Variants in PIK3R6 observed in about 807,000 individuals in gnomAD.
The protein encoded by PIK3R6 is phosphoinositide-3-kinase regulatory subunit 6.
In PIK3R6, 91 loss-of-function variants were observed where a neutral mutation model predicts 84.9. The observed-to-expected ratio is 1.07, with a 90% CI of 0.90 to 1.28. The LOEUF is 1.28. Among genes scored for constraint, PIK3R6 ranks in the 50% most tolerant of loss-of-function variants. PIK3R6 has a pLI of 0.00. For synonymous variants in PIK3R6, 416 were observed against 411.4 expected (o/e 1.01, Z -0.13); for missense variants, 996 against 985.1 (o/e 1.01, Z -0.15).
At position 8,835,395 on chromosome 17, in the gene PIK3R6, C is replaced by G. The variant is rs2088420941; in HGVS notation, c.523G>C (p.Glu175Gln). 1 of 1,611,896 alleles carries G rather than the reference C, an allele frequency of 6.2e-7. No homozygotes were observed. The change falls in exon 8 of 20, where the codon GAG becomes CAG. Residue 175 changes from glutamate to glutamine, a missense_variant. Coordinates refer to ENST00000619866, the MANE Select transcript of PIK3R6 (RefSeq NM_001010855.4). ...SASVCSALLLEIEAAQAQQTP... is the reference protein window; with the variant it reads ...SASVCSALLLQIEAAQAQQTP... ...TGCTGCGCCTGGGCCGCCTCGATCT[C>G]CAGTAGCAGAGCACTGCACACAGAC...
Position 8,823,407 on chromosome 17 carries a change from A to T in PIK3R6, c.1606T>A (p.Phe536Ile). Residue 536 changes from phenylalanine to isoleucine, a missense_variant, in exon 14 of 20, where the codon TTC becomes ATC. Physicochemically the swap from Phe to Ile is conservative, Grantham distance 21. Coordinates refer to ENST00000619866, the MANE Select transcript of PIK3R6 (RefSeq NM_001010855.4). ...CTTACCTTGACTGTGTAGATCTGGA[A>T]ATAGATGGGTTGGGTGCCCATGCGG... ...YIRMGTQPIY[F>I]QIYTVKIFFS... is the part of the protein sequence containing the mutation. 6.5e-7 allele frequency: 1 copy of T among 1,531,906 alleles called. No individual in the cohort carries two copies. Among genetic ancestry groups the T allele is most frequent in the Non-Finnish European group, 8.8e-7 (1 of 1,137,150 alleles). 94.9% of individuals were successfully genotyped at this position (1,531,906 alleles called of 1,614,324 possible). A position where few individuals can be genotyped will look rare whatever the true frequency, so the allele number is the denominator to read the frequency against.
At position 8,828,925 on chromosome 17, in the gene PIK3R6, A is replaced by C; in HGVS notation, c.955T>G (p.Leu319Val). Reference protein sequence around the residue: ...QLRLSADLEVLDLQGLRPDRE... With the variant: ...QLRLSADLEVVDLQGLRPDRE... ...TCCGGCCGGAGGCCCTGCAGATCCAAGACCTCCAAGTCAGCACTGAGGCGC... is the reference window on the plus strand; with the variant it reads ...TCCGGCCGGAGGCCCTGCAGATCCACGACCTCCAAGTCAGCACTGAGGCGC... Residue 319 changes from leucine (L) to valine (V), a missense_variant, in exon 11 of 20, where the codon TTG becomes GTG. Physicochemically the swap from Leu to Val is conservative, Grantham distance 32. Transcript: ENST00000619866. 9.8e-6 allele frequency: 15 copies of C among 1,531,716 alleles called. No individual in the cohort carries two copies. Among genetic ancestry groups the C allele is most frequent in the Non-Finnish European group, 1.3e-5 (15 of 1,140,468 alleles). The allele number at this position is 1,531,716 out of a possible 1,614,324, so 94.9% of individuals were successfully genotyped here.
At chr17:8,827,384 C>A in intron 12 of PIK3R6, 90 bp from the exon 13 acceptor site, 1 of 1,427,490 alleles carries the variant, frequency 7.0e-7, no homozygotes, top group Non-Finnish European at 9.3e-7. Flanking sequence ...TGAATATGGT[C>A]AAGTCATTTA....
chr17:8,833,262 T>C (rs1021507986), intron 8 of PIK3R6, among the ~76,000 whole-genome samples: 6 of 152,330 alleles, frequency 3.9e-5, no homozygotes, highest in Admixed American at 2.0e-4. Context: ...CACACGCTAT[T>C]ATGGGGAGAC....
chr17:8,818,889 A>T (rs2151199863), intron 18 of PIK3R6, among the ~76,000 whole-genome samples, 194 bp downstream of exon 18: 2 of 152,308 alleles, frequency 1.3e-5, no homozygotes, highest in Admixed American at 1.3e-4. Context: ...TCCTTATACC[A>T]GTGGGCACTC....
In PIK3R6 at chr17:8,828,845, G is replaced by T. The variant is rs1379520222; in HGVS notation, c.1035C>A (p.Asp345Glu). Residue 345 changes from aspartate (D) to glutamate (E), a missense_variant, in exon 11 of 20, where the codon GAC becomes GAA. Asp to Glu is a conservative substitution (Grantham distance 45). Coordinates refer to ENST00000619866, the MANE Select transcript of PIK3R6 (RefSeq NM_001010855.4). ...GCAGCTCATCAGCCCCCGTGGGAAG[G>T]TCCCGCTCAATGCCGCTGTCAGTGG... ...VLSTDSGIER[D>E]LPTGADELPA... The T allele has an allele frequency of 1.9e-6, 3 of 1,597,102 alleles. No individual in the cohort carries two copies. Among genetic ancestry groups the T allele is most frequent in the Non-Finnish European group, 2.6e-6 (3 of 1,171,212 alleles).
intron 15 of PIK3R6, 75 bp from the exon 16 acceptor site, chr17:8,822,732 G>T (rs2151212279): frequency 1.4e-6 from 2 of 1,460,576 alleles, no homozygotes; most frequent in South Asian, 1.2e-5. Context: ...CTCTCTGAGG[G>T]CAGGAGCTGA....
At chr17:8,832,784 A>G in intron 9 of PIK3R6, 105 bp downstream of exon 9, 1 of 1,547,046 alleles carries the variant, frequency 6.5e-7, no homozygotes, top group African/African-American at 1.4e-5. Context: ...TCGGCCAGGC[A>G]CCCAGACAGA....
chr17:8,829,489 T>TAC (rs3859233), intron 10 of PIK3R6, among the ~76,000 whole-genome samples: 19 of 102,926 alleles, frequency 1.8e-4, no homozygotes, highest in Middle Eastern at 6.6e-3. Context: ...CATGCACGCA[T>TAC]ACACACACAC....
At chr17:8,863,819 C>G (rs912385703) in intron 1 of PIK3R6, among the ~76,000 whole-genome samples, 1 of 152,224 alleles carries the variant, frequency 6.6e-6, no homozygotes, top group Non-Finnish European at 1.5e-5. Flanking sequence ...CAGGCGTGAG[C>G]CACCGCGCCC....
chr17:8,825,095 G>A (rs2087874332), intron 13 of PIK3R6, among the ~76,000 whole-genome samples: 1 of 152,142 alleles, frequency 6.6e-6, no homozygotes, highest in Non-Finnish European at 1.5e-5. Context: ...ATTCGCAATA[G>A]TAAGAAACAC....
rs766862379 is a variant in PIK3R6, at chr17:8,828,683, C to G, written c.1197G>C (p.Arg399=). 1.4e-5 allele frequency: 22 copies of G among 1,611,746 alleles called. No individual in the cohort carries two copies. Among genetic ancestry groups the G allele is most frequent in the Non-Finnish European group, 1.7e-5 (20 of 1,179,118 alleles). The change falls in exon 11 of 20, where the codon CGG becomes CGC. Residue 399 remains arginine, a synonymous_variant. Transcript: ENST00000619866. ...GCAGCATTTCCCCATCCCCACTGGG[C>G]CGGCCTGTCCTCCGGTGCAGCCCTG... is the stretch of plus-strand genomic sequence containing the variant. The part of the protein sequence containing the change: ...GPPGLHRRTG[R]PSGDGEMLPG...
intron 18 of PIK3R6, among the ~76,000 whole-genome samples, chr17:8,807,686 C>T (rs1283372400): frequency 6.6e-6 from 1 of 152,112 alleles, no homozygotes; most frequent in Non-Finnish European, 1.5e-5. Context: ...GGAACACTTC[C>T]CAACACATGG....
rs750277443 is a variant in PIK3R6 at position 8,819,175 on chromosome 17, G to A, written c.1903C>T (p.Leu635=). 6.2e-7 allele frequency: 1 copy of A among 1,609,028 alleles called. No individual in the cohort carries two copies. Among genetic ancestry groups the A allele is most frequent in the South Asian group, 1.1e-5 (1 of 89,934 alleles). ...TEVSGSSHCP[L]PAAPVTDHTC... ...TGGTCTGTGACAGGAGCAGCAGGCAGGGGGCAATGGCTAGACCCTGAAACT... is the reference window on the plus strand; with the variant it reads ...TGGTCTGTGACAGGAGCAGCAGGCAAGGGGCAATGGCTAGACCCTGAAACT... Residue 635 remains leucine (L), a synonymous_variant, in exon 18 of 20, where the codon CTG becomes TTG. Coordinates refer to ENST00000619866, the MANE Select transcript of PIK3R6 (RefSeq NM_001010855.4).
At chr17:8,817,778 C>T (rs927781139) in intron 18 of PIK3R6, among the ~76,000 whole-genome samples, 3 of 152,016 alleles carry the variant, frequency 2.0e-5, no homozygotes, top group South Asian at 2.1e-4. Flanking sequence ...ACCAGGTGGT[C>T]GTGGGTAGAA....
At chr17:8,866,794 C>T (rs1597451808) in intron 1 of PIK3R6, among the ~76,000 whole-genome samples, 1 of 152,134 alleles carries the variant, frequency 6.6e-6, no homozygotes, top group African/African-American at 2.4e-5. Context: ...CACCACACAC[C>T]TCCTGGCTCG....
chr17:8,810,829 C>A (rs1214634151), intron 18 of PIK3R6, among the ~76,000 whole-genome samples: 1 of 148,790 alleles, frequency 6.7e-6, no homozygotes, highest in Non-Finnish European at 1.5e-5. Context: ...GCCTCCCTCC[C>A]AGCTGCTTTT....
chr17:8,838,458 G>T, intron 4 of PIK3R6, 106 bp downstream of exon 4: 1 of 984,520 alleles, frequency 1.0e-6, no homozygotes, highest in Non-Finnish European at 1.5e-6. Context: ...AATCATGCAG[G>T]CAACCAAAGC....
chr17:8,843,451 G>A (rs1372343905), intron 2 of PIK3R6, among the ~76,000 whole-genome samples: 2 of 152,052 alleles, frequency 1.3e-5, no homozygotes, highest in East Asian at 3.8e-4. Context: ...CTGAGCTTGG[G>A]TCCCCTTGCT....
Sources: gnomAD v4.1 joint callset for allele counts (sites outside exome capture counted in the v4.1 genomes callset) on GRCh38, gnomAD v4.1.1 for gene constraint, MANE v1.5 for transcripts, NCBI Gene and HGNC (gene_info 2026-07-23, HGNC 2026-07-21) for gene names.